Variants in RPS6KC1 observed in about 807,000 individuals in gnomAD.
RPS6KC1 encodes ribosomal protein S6 kinase C1.
RPS6KC1 carries 54 observed loss-of-function variants against 103.8 expected under a neutral mutation model. The ratio of observed to expected loss-of-function variants is 0.52; its 90% CI spans 0.42 to 0.65. The LOEUF (loss-of-function observed/expected upper bound fraction) is 0.65. Ranked by LOEUF, RPS6KC1 falls within the 30% of genes least tolerant of loss-of-function variation. The probability of loss-of-function intolerance (pLI) is 0.00; values close to 1 mark genes in which losing one functional copy is unlikely to be tolerated. For missense variants in RPS6KC1, 1,151 were observed against 1,253.8 expected, an observed-to-expected ratio of 0.92 and a Z score of 1.24; for synonymous variants, 439 against 438.7, an observed-to-expected ratio of 1.00 and a Z score of -0.01.
At chr1:213,263,548 T>C (rs2094846216) in intron 14 of RPS6KC1, among the ~76,000 whole-genome samples, 1 of 151,996 alleles carries the variant, frequency 6.6e-6, no homozygotes, top group African/African-American at 2.4e-5. Context: ...ATGAAAAATA[T>C]AATGGAAAAA....
the RPS6KC1 span, among the ~76,000 whole-genome samples, chr1:213,809,989 T>C: frequency 6.6e-6 from 1 of 152,256 alleles, no homozygotes; most frequent in South Asian, 2.1e-4. Flanking sequence ...GATATTGGTG[T>C]GCAAAGGGCA....
At chr1:213,778,012 A>C in the RPS6KC1 span, among the ~76,000 whole-genome samples, 9 of 152,286 alleles carry the variant, frequency 5.9e-5, no homozygotes, top group Middle Eastern at 3.4e-3. Flanking sequence ...ACCCAAGGCC[A>C]CTCAGCTAGT....
At chr1:213,109,872 T>C (rs1366844217) in intron 4 of RPS6KC1, among the ~76,000 whole-genome samples, 2 of 152,044 alleles carry the variant, frequency 1.3e-5, no homozygotes, top group African/African-American at 4.8e-5. Context: ...TGTGTATGTA[T>C]GTACATATAT....
the RPS6KC1 span, among the ~76,000 whole-genome samples, chr1:213,542,499 G>T: frequency 1.3e-5 from 2 of 152,268 alleles, no homozygotes; most frequent in African/African-American, 4.8e-5. Context: ...AGCTTTGGTT[G>T]TGTCCTTTCT....
At chr1:213,411,775 C>G in the RPS6KC1 span, among the ~76,000 whole-genome samples, 1 of 152,120 alleles carries the variant, frequency 6.6e-6, no homozygotes, top group Non-Finnish European at 1.5e-5. Context: ...ATTTCTACAG[C>G]CTGGGCTTAG....
At chr1:213,413,938 A>G in the RPS6KC1 span, among the ~76,000 whole-genome samples, 1 of 152,218 alleles carries the variant, frequency 6.6e-6, no homozygotes, top group South Asian at 2.1e-4. Context: ...AGGGGAAGCT[A>G]AAAATGATGT....
chr1:213,361,714 G>A, the RPS6KC1 span, among the ~76,000 whole-genome samples: 13 of 152,176 alleles, frequency 8.5e-5, no homozygotes, highest in Admixed American at 2.0e-4. Flanking sequence ...TTGCTCACTC[G>A]GCCACATACC....
chr1:213,405,180 T>G, the RPS6KC1 span, among the ~76,000 whole-genome samples: 1 of 152,244 alleles, frequency 6.6e-6, no homozygotes, highest in South Asian at 2.1e-4. Context: ...ATCTATCCTT[T>G]TAGTGCCAGT....
the RPS6KC1 span, among the ~76,000 whole-genome samples, chr1:213,470,611 A>ATTTTTTTTT: frequency 1.0e-5 from 1 of 99,806 alleles, no homozygotes; most frequent in Non-Finnish European, 2.0e-5. Flanking sequence ...TTTATTCTTA[A>ATTTTTTTTT]TTTTTTTTTT....
intron 5 of RPS6KC1, chr1:213,125,839 G>A (rs918369291): frequency 6.6e-6 from 1 of 151,942 alleles, no homozygotes; most frequent in African/African-American, 2.4e-5. Context: ...AATATGATTT[G>A]AAAGGTAAGA....
At chr1:213,396,638 G>C in the RPS6KC1 span, among the ~76,000 whole-genome samples, 2 of 152,206 alleles carry the variant, frequency 1.3e-5, no homozygotes, top group Admixed American at 1.3e-4. Context: ...TTCCAGAGAG[G>C]CTGCTGCCCC....
the RPS6KC1 span, among the ~76,000 whole-genome samples, chr1:213,714,272 T>C: frequency 0.032 from 4,899 of 152,342 alleles, 222 homozygotes; most frequent in African/African-American, 0.1. Context: ...GTTATATAGA[T>C]GTTAGCACTT....
chr1:213,773,800 T>C, the RPS6KC1 span, among the ~76,000 whole-genome samples: 3 of 152,204 alleles, frequency 2.0e-5, no homozygotes, highest in Non-Finnish European at 4.4e-5. Context: ...GGATGGTCTC[T>C]TTTACTTAAG....
At chr1:213,436,909 T>C in the RPS6KC1 span, among the ~76,000 whole-genome samples, 1 of 152,132 alleles carries the variant, frequency 6.6e-6, no homozygotes, top group African/African-American at 2.4e-5. Flanking sequence ...TGGATTATTT[T>C]TGGAATTTGT....
the RPS6KC1 span, among the ~76,000 whole-genome samples, chr1:213,567,462 A>G: frequency 5.3e-5 from 8 of 152,230 alleles, no homozygotes; most frequent in Admixed American, 4.6e-4. Flanking sequence ...CAGCTGCAGT[A>G]TCAGCTCTGG....
At chr1:213,743,685 G>A in the RPS6KC1 span, among the ~76,000 whole-genome samples, 1 of 152,176 alleles carries the variant, frequency 6.6e-6, no homozygotes, top group Non-Finnish European at 1.5e-5. Context: ...AAGCTGGCAA[G>A]TAGGTAAAGA....
At chr1:213,345,996 G>C in the RPS6KC1 span, among the ~76,000 whole-genome samples, 2 of 152,124 alleles carry the variant, frequency 1.3e-5, no homozygotes, top group African/African-American at 4.8e-5. Flanking sequence ...TTACAATAAA[G>C]TTGCCGAAAT....
chr1:213,482,549 T>G, the RPS6KC1 span, among the ~76,000 whole-genome samples: 1 of 117,092 alleles, frequency 8.5e-6, no homozygotes, highest in East Asian at 2.5e-4. Flanking sequence ...GGTTTTTTTT[T>G]TTTTTTTTTT....
chr1:213,079,522 A>T (rs1337005582), intron 3 of RPS6KC1, among the ~76,000 whole-genome samples: 1 of 151,942 alleles, frequency 6.6e-6, no homozygotes, highest in Non-Finnish European at 1.5e-5. Context: ...GGCTCAGGTG[A>T]TTCTCCTTCC....
Sources: gnomAD v4.1 joint callset for allele counts (sites outside exome capture counted in the v4.1 genomes callset) on GRCh38, gnomAD v4.1.1 for gene constraint, MANE v1.5 for transcripts, NCBI Gene and HGNC (gene_info 2026-07-23, HGNC 2026-07-21) for gene names.